GRM7: variants seen among roughly 807,000 people sequenced by gnomAD.
The protein encoded by GRM7 is glutamate metabotropic receptor 7.
In GRM7, 35 loss-of-function variants were observed where a neutral mutation model predicts 84.5. The observed-to-expected ratio is 0.41, with a 90% CI of 0.32 to 0.55. GRM7 has a LOEUF of 0.55. Ranked by LOEUF, GRM7 falls within the 20% of genes least tolerant of loss-of-function variation. GRM7 has a pLI of 0.19. For synonymous variants in GRM7, 487 were observed against 455.1 expected (o/e 1.07, Z -0.89); for missense variants, 1,003 against 1,194.6 (o/e 0.84, Z 2.36).
intron 2 of GRM7, among the ~76,000 whole-genome samples, chr3:7,150,500 A>G (rs1203048793): frequency 6.6e-6 from 1 of 152,206 alleles, no homozygotes; most frequent in African/African-American, 2.4e-5. Context: ...AGACAACCTC[A>G]ATACTTATTC....
intron 7 of GRM7, among the ~76,000 whole-genome samples, chr3:7,515,394 G>A (rs767472512): frequency 6.6e-6 from 1 of 152,104 alleles, no homozygotes; most frequent in Non-Finnish European, 1.5e-5. Flanking sequence ...AATACCAGGA[G>A]CACTGCCCCG....
chr3:7,604,342 T>C (rs1559433356), intron 8 of GRM7, among the ~76,000 whole-genome samples: 1 of 152,202 alleles, frequency 6.6e-6, no homozygotes, highest in African/African-American at 2.4e-5. Context: ...TTTGCTTTGC[T>C]GGAAGTTTTC....
intron 2 of GRM7, among the ~76,000 whole-genome samples, chr3:7,256,119 G>A (rs1199053055): frequency 6.6e-6 from 1 of 152,070 alleles, no homozygotes; most frequent in African/African-American, 2.4e-5. Flanking sequence ...CTTGTCTGGT[G>A]TTTCCTCTCA....
intron 1 of GRM7, among the ~76,000 whole-genome samples, chr3:7,036,907 A>C (rs555089182): frequency 2.5e-4 from 38 of 152,276 alleles, no homozygotes; most frequent in African/African-American, 9.1e-4. Flanking sequence ...TCCATCTACA[A>C]AATGAGTCTG....
intron 1 of GRM7, among the ~76,000 whole-genome samples, chr3:6,871,353 A>G (rs1177036820): frequency 6.6e-6 from 1 of 152,092 alleles, no homozygotes; most frequent in Non-Finnish European, 1.5e-5. Context: ...TTATTATTTT[A>G]TGTTCTTCAT....
chr3:7,645,287 G>A (rs3792444), intron 8 of GRM7, among the ~76,000 whole-genome samples: 86,885 of 151,824 alleles, frequency 0.57, 26,574 homozygotes, highest in African/African-American at 0.78. Flanking sequence ...AGTGGCTCAC[G>A]CCTGTAATCC....
chr3:7,645,511 C>T (rs1182584847), intron 8 of GRM7, among the ~76,000 whole-genome samples: 3 of 139,486 alleles, frequency 2.2e-5, no homozygotes, highest in African/African-American at 2.8e-5. Context: ...TGCCCCACTA[C>T]ACTCTAGCCT....
At chr3:7,604,303 C>T (rs1696459135) in intron 8 of GRM7, among the ~76,000 whole-genome samples, 1 of 152,272 alleles carries the variant, frequency 6.6e-6, no homozygotes, top group South Asian at 2.1e-4. Flanking sequence ...GTGGAACAAG[C>T]ATTCATTTAC....
intron 1 of GRM7, among the ~76,000 whole-genome samples, chr3:6,950,998 G>T (rs541932348): frequency 2.0e-5 from 3 of 152,178 alleles, no homozygotes; most frequent in Admixed American, 1.3e-4. Flanking sequence ...GACCCCTTGC[G>T]CTTCCCGGGT....
intron 9 of GRM7, among the ~76,000 whole-genome samples, chr3:7,721,071 C>A (rs934118029): frequency 5.3e-5 from 8 of 152,226 alleles, no homozygotes; most frequent in African/African-American, 1.9e-4. Flanking sequence ...TCAACAGATG[C>A]TACTACATTC....
intron 7 of GRM7, among the ~76,000 whole-genome samples, chr3:7,490,780 A>C (rs908722838): frequency 2.0e-5 from 3 of 152,196 alleles, no homozygotes; most frequent in Non-Finnish European, 4.4e-5. Flanking sequence ...ATAAGACTCA[A>C]TATATCTTCC....
chr3:7,403,106 G>T (rs111453352), intron 4 of GRM7: 2 of 420,934 alleles, frequency 4.8e-6, no homozygotes, highest in South Asian at 1.7e-5. Flanking sequence ...AAAATAAAAC[G>T]TGAAGCTTCT....
intron 1 of GRM7, among the ~76,000 whole-genome samples, chr3:6,997,461 A>G (rs6789842): frequency 0.26 from 39,748 of 152,098 alleles, 5,416 homozygotes; most frequent in South Asian, 0.37. Flanking sequence ...GACAGTAGCA[A>G]GGAGAAGTGC....
rs58886076 is a variant in GRM7, at chr3:6,878,378, C to CATGTGTGTGTGT, written c.519+16471_519+16472insATGTGTGTGTGT. Among the ~76,000 whole-genome samples the CATGTGTGTGTGT allele has an allele frequency of 3.9e-3, 561 of 142,048 alleles. 6 individuals carry two copies. Among genetic ancestry groups the CATGTGTGTGTGT allele is most frequent in the African/African-American group, 0.013 (488 of 38,386 alleles). 93.2% of individuals were successfully genotyped at this position (142,048 alleles called of 152,430 possible). A position where few individuals can be genotyped will look rare whatever the true frequency, so the allele number is the denominator to read the frequency against. On this transcript the variant is annotated intron_variant, in intron 1 of 9. Transcript: ENST00000357716. Reference sequence around the variant, plus strand: ...CAAAGGGTGATTTTTTATGTGTTTGCGTGTGTGTGTGTGTGTGTGTGTGTG... The same window carrying CATGTGTGTGTGT: ...CAAAGGGTGATTTTTTATGTGTTTGCATGTGTGTGTGTGTGTGTGTGTGTGTGTGTGTGTGTG...
chr3:6,944,507 T>A (rs1697992908), intron 1 of GRM7, among the ~76,000 whole-genome samples: 1 of 152,198 alleles, frequency 6.6e-6, no homozygotes. Context: ...GAGCCAGCCT[T>A]ACATTTTTAG....
intron 7 of GRM7, among the ~76,000 whole-genome samples, chr3:7,571,291 G>C (rs1278648981): frequency 6.6e-6 from 1 of 152,094 alleles, no homozygotes; most frequent in African/African-American, 2.4e-5. Context: ...GCATTGCCAG[G>C]CTGCAGATTT....
intron 8 of GRM7, among the ~76,000 whole-genome samples, chr3:7,603,065 G>A (rs1241433857): frequency 2.0e-5 from 3 of 152,122 alleles, no homozygotes; most frequent in Non-Finnish European, 2.9e-5. Context: ...AATATGTAAT[G>A]TAGACGGTAC....
At chr3:7,436,744 CT>C (rs1458983225) in intron 5 of GRM7, among the ~76,000 whole-genome samples, 2 of 152,172 alleles carry the variant, frequency 1.3e-5, no homozygotes, top group Admixed American at 1.3e-4. Context: ...CACACTTCTG[CT>C]TTTTTCAGCC....
At chr3:7,073,039 T>A (rs902764043) in intron 1 of GRM7, among the ~76,000 whole-genome samples, 5 of 152,186 alleles carry the variant, frequency 3.3e-5, no homozygotes. Flanking sequence ...TTTAAGGAAG[T>A]TAACCTAGTG....
Sources: gnomAD v4.1 joint callset for allele counts (sites outside exome capture counted in the v4.1 genomes callset) on GRCh38, gnomAD v4.1.1 for gene constraint, MANE v1.5 for transcripts, NCBI Gene and HGNC (gene_info 2026-07-23, HGNC 2026-07-21) for gene names.